Variants in FHAD1 observed in about 807,000 individuals in gnomAD.
The protein encoded by FHAD1 is forkhead associated phosphopeptide binding domain 1, also known as forkhead-associated domain-containing protein 1.
In FHAD1, 146 loss-of-function variants were observed where a neutral mutation model predicts 191.3. The ratio of observed to expected loss-of-function variants is 0.76; its 90% CI spans 0.67 to 0.88. The LOEUF is 0.88. Ranked by LOEUF, FHAD1 falls within the 40% of genes least tolerant of loss-of-function variation. The pLI is 0.00. For missense variants in FHAD1, 1,635 were observed against 1,785.8 expected, an observed-to-expected ratio of 0.92 and a Z score of 1.52; for synonymous variants, 616 against 672.3, an observed-to-expected ratio of 0.92 and a Z score of 1.29.
rs1679129287 is a variant in FHAD1, at chr1:15,327,353, G to A, written c.1557+211G>A. The A allele has an allele frequency of 3.9e-6, 2 of 512,736 alleles. No individual in the cohort carries two copies. Among genetic ancestry groups the A allele is most frequent in the Admixed American group, 3.7e-5 (1 of 27,258 alleles). The allele number at this position is 512,736 out of a possible 1,614,324, so 31.8% of individuals were successfully genotyped here. A position where few individuals can be genotyped will look rare whatever the true frequency, so the allele number is the denominator to read the frequency against. ...GTTAAAACTCCCTTGAAATGTGTCTGTGAAAATCAAATTAAACCATTCGGG... is the reference window on the plus strand; with the variant it reads ...GTTAAAACTCCCTTGAAATGTGTCTATGAAAATCAAATTAAACCATTCGGG... On this transcript the variant is annotated intron_variant, in intron 12 of 33. Transcript: ENST00000688493. The surrounding 1 kb of genome is among the most constrained non-coding windows in gnomAD (Gnocchi z 5.1).
intron 20 of FHAD1, 33 bp downstream of exon 20, chr1:15,353,017 GC>G: frequency 6.8e-7 from 1 of 1,463,012 alleles, no homozygotes; most frequent in Non-Finnish European, 9.4e-7. Context: ...GACGAGAGGG[GC>G]CCAGCACAGC....
At chr1:15,322,751 G>A (rs1004888229) in intron 10 of FHAD1, among the ~76,000 whole-genome samples, 2 of 152,176 alleles carry the variant, frequency 1.3e-5, no homozygotes, top group African/African-American at 4.8e-5. Context: ...ACAGGACCAT[G>A]AAGGATGTTC....
At chr1:15,368,122 C>T (rs1697055048) in intron 25 of FHAD1, among the ~76,000 whole-genome samples, 1 of 152,270 alleles carries the variant, frequency 6.6e-6, no homozygotes, top group East Asian at 1.9e-4. Context: ...CAGGCATGAG[C>T]CACCAGGCCT....
At chr1:15,272,214 G>C in intron 2 of FHAD1, 109 bp from the exon 3 acceptor site, 1 of 962,312 alleles carries the variant, frequency 1.0e-6, no homozygotes, top group South Asian at 1.6e-5. Flanking sequence ...AATGAGGATT[G>C]TCGTGATGAT....
intron 19 of FHAD1, among the ~76,000 whole-genome samples, chr1:15,351,064 G>A (rs1690681289): frequency 6.6e-6 from 1 of 152,208 alleles, no homozygotes; most frequent in Non-Finnish European, 1.5e-5. Context: ...AACACATCTT[G>A]CTGGGTGCGA....
intron 2 of FHAD1, among the ~76,000 whole-genome samples, chr1:15,270,878 G>A (rs1433195667): frequency 6.6e-6 from 1 of 152,008 alleles, no homozygotes; most frequent in African/African-American, 2.4e-5. Context: ...CGTCTCTCAT[G>A]CCTGTGATCC....
chr1:15,365,917 A>C lies in FHAD1; in HGVS notation c.3138A>C (p.Arg1046Ser), dbSNP rs377271182. Residue 1046 changes from arginine to serine, a missense_variant, in exon 24 of 34, where the codon AGA (arginine) becomes AGC (serine). Arg to Ser is a moderately radical substitution (Grantham distance 110, BLOSUM62 -1). Coordinates refer to ENST00000688493, the MANE Select transcript of FHAD1 (RefSeq NM_001391957.1). Reference protein sequence around the residue: ...LRKDLTEAHSRMSDLRGELNE... With the variant: ...LRKDLTEAHSSMSDLRGELNE... The stretch of plus-strand genomic sequence containing the variant: ...AAGACCTTACCGAAGCCCACAGCAG[A>C]ATGTCGGATTTGAGAGGTTTGAACA... The C allele has an allele frequency of 1.3e-6, 2 of 1,551,012 alleles. No homozygotes were observed. Among genetic ancestry groups the C allele is most frequent in the African/African-American group, 1.4e-5 (1 of 73,018 alleles).
intron 28 of FHAD1, among the ~76,000 whole-genome samples, chr1:15,377,905 G>A (rs1023086313): frequency 2.1e-4 from 32 of 152,198 alleles, no homozygotes; most frequent in African/African-American, 6.3e-4. Flanking sequence ...AGTGCTTACT[G>A]TGTACCAGGC....
chr1:15,330,584 G>A (rs1421594024), intron 14 of FHAD1, among the ~76,000 whole-genome samples: 2 of 152,226 alleles, frequency 1.3e-5, no homozygotes, highest in Non-Finnish European at 2.9e-5. Flanking sequence ...AAAGTTGAGT[G>A]GTGACAATTG....
At chr1:15,258,809 A>T (rs1305380208) in intron 2 of FHAD1, among the ~76,000 whole-genome samples, 1 of 152,044 alleles carries the variant, frequency 6.6e-6, no homozygotes, top group Non-Finnish European at 1.5e-5. Context: ...GCTGGTCTCA[A>T]ACTCCTGACC....
intron 33 of FHAD1, among the ~76,000 whole-genome samples, chr1:15,392,393 A>G (rs111691009): frequency 0.072 from 10,933 of 152,202 alleles, 430 homozygotes; most frequent in Middle Eastern, 0.14. Flanking sequence ...TTAGCTGGGC[A>G]TGGTGGCGGG....
intron 33 of FHAD1, among the ~76,000 whole-genome samples, chr1:15,392,338 C>A (rs1196629226): frequency 6.6e-6 from 1 of 152,164 alleles, no homozygotes; most frequent in Non-Finnish European, 1.5e-5. Context: ...CGAGACCATC[C>A]TGGCTAACAC....
intron 3 of FHAD1, among the ~76,000 whole-genome samples, chr1:15,281,123 G>T (rs1425821639): frequency 6.6e-6 from 1 of 152,118 alleles, no homozygotes; most frequent in African/African-American, 2.4e-5. Context: ...CCTGGCACCC[G>T]CCAGGGGCTG....
At position 15,341,770 on chromosome 1, in the gene FHAD1, CTT is replaced by C; in HGVS notation, c.2014_2015del (p.Leu672ThrfsTer119). On this transcript the variant is annotated frameshift_variant, in exon 16 of 34. Transcript: ENST00000688493. LOFTEE classifies it high-confidence loss of function. Reference sequence around the variant, plus strand: ...AACAGTTCTCAGGAAACTCAGCAGTCTTTACTGCAGGAAAAGCTGCGGGAGCA... The same window carrying C: ...AACAGTTCTCAGGAAACTCAGCAGTCTACTGCAGGAAAAGCTGCGGGAGCA... 1 of 1,551,562 alleles carries C rather than the reference CTT, an allele frequency of 6.4e-7. No individual in the cohort carries two copies.
chr1:15,272,028 G>T (rs954513357), intron 2 of FHAD1, among the ~76,000 whole-genome samples: 3 of 152,160 alleles, frequency 2.0e-5, no homozygotes, highest in Admixed American at 6.5e-5. Flanking sequence ...TGTCCAATAT[G>T]ACTCTCCCAA....
chr1:15,298,578 G>A (rs1298852983), intron 5 of FHAD1, among the ~76,000 whole-genome samples: 1 of 152,178 alleles, frequency 6.6e-6, no homozygotes, highest in Non-Finnish European at 1.5e-5. Context: ...AGAGGGCCAG[G>A]ACAGAAGCTG....
chr1:15,383,344 G>T (rs1461354430), intron 31 of FHAD1: 1 of 430,276 alleles, frequency 2.3e-6, no homozygotes, highest in Non-Finnish European at 4.7e-6. Context: ...GGCGGACACT[G>T]CCTTCCCCAT....
intron 3 of FHAD1, among the ~76,000 whole-genome samples, chr1:15,284,240 G>C (rs1661580194): frequency 6.6e-6 from 1 of 152,160 alleles, no homozygotes; most frequent in Non-Finnish European, 1.5e-5. Flanking sequence ...CAGCACTTTG[G>C]GAGGCCGAGG....
chr1:15,363,036 GCTATTTATAGCAGAATACCCAAAA>G (rs1396354584), intron 23 of FHAD1, among the ~76,000 whole-genome samples: 1 of 152,212 alleles, frequency 6.6e-6, no homozygotes, highest in Non-Finnish European at 1.5e-5. Context: ...ACTGTTTTCT[GCTATTTATAGCAGAATACCCAAAA>G]CTGGGTAATT....
Sources: allele counts gnomAD v4.1 joint callset (sites outside exome capture counted in the v4.1 genomes callset), GRCh38; gene constraint gnomAD v4.1.1; non-coding constraint Gnocchi (gnomAD v3.1); transcripts MANE v1.5; gene names NCBI Gene and HGNC (gene_info 2026-07-23, HGNC 2026-07-21).